STX3: variants seen among roughly 807,000 people sequenced by gnomAD.
STX3 encodes the protein syntaxin 3.
In STX3, 19 loss-of-function variants were observed where a neutral mutation model predicts 40.2. That is an observed-to-expected ratio of 0.47 (90% CI 0.33 to 0.69). STX3 has a LOEUF of 0.69. Among genes scored for constraint, STX3 ranks in the 30% least tolerant of loss-of-function variants. The pLI, the probability that STX3 is intolerant of heterozygous loss-of-function variation, is 0.02. For synonymous variants in STX3, 122 were observed against 132.2 expected (o/e 0.92, Z 0.53); for missense variants, 364 against 366.7 (o/e 0.99, Z 0.06).
At chr11:59,798,872 T>C (rs930118831) in intron 10 of STX3, among the ~76,000 whole-genome samples, 1 of 151,766 alleles carries the variant, frequency 6.6e-6, no homozygotes, top group African/African-American at 2.4e-5. Context: ...ATTAAGACTT[T>C]TGTGACTTTA....
At chr11:59,771,406 C>CACCCT (rs1209005303) in intron 1 of STX3, among the ~76,000 whole-genome samples, 1 of 130,278 alleles carries the variant, frequency 7.7e-6, no homozygotes, top group African/African-American at 3.3e-5. Flanking sequence ...CCCCACCTCC[C>CACCCT]CCCCCCCGCC....
At chr11:59,770,184 TG>T (rs1863522572) in intron 1 of STX3, among the ~76,000 whole-genome samples, 1 of 149,616 alleles carries the variant, frequency 6.7e-6, no homozygotes, top group Admixed American at 6.7e-5. Flanking sequence ...GTGTGTGTGC[TG>T]TATGTGTATG....
intron 2 of STX3, among the ~76,000 whole-genome samples, chr11:59,785,275 T>C (rs1864677814): frequency 6.6e-6 from 1 of 152,250 alleles, no homozygotes; most frequent in East Asian, 1.9e-4. Flanking sequence ...GCAAAAGTAC[T>C]GATTTGAGGG....
chr11:59,774,970 A>G (rs760126518), intron 2 of STX3, among the ~76,000 whole-genome samples: 3 of 152,240 alleles, frequency 2.0e-5, no homozygotes, highest in Non-Finnish European at 4.4e-5. Context: ...CTGCCACCAT[A>G]CTATGGTTTC....
In STX3 at chr11:59,793,180, C is replaced by T; in HGVS notation, c.540+8C>T. On this transcript the variant is annotated splice_region_variant and intron_variant, in intron 7 of 10. Coordinates refer to ENST00000337979, the MANE Select transcript of STX3 (RefSeq NM_004177.5). ...GCCATCTTCACTTCTGGGGTGAGTG[C>T]CCTGTGTGCTCGGATAGCACATCCC... is the stretch of plus-strand genomic sequence containing the variant. 6.2e-7 allele frequency: 1 copy of T among 1,612,692 alleles called. No homozygotes were observed. Among genetic ancestry groups the T allele is most frequent in the East Asian group, 2.2e-5 (1 of 44,860 alleles).
chr11:59,805,126 G>A lies in STX3; in HGVS notation c.*4302G>A, dbSNP rs1398447768. ...CAAGAGGCGGAAGTTGCAGTGAGCCGAGATCGCGCCACTGCACTCCAGCCT... is the reference window on the plus strand; with the variant it reads ...CAAGAGGCGGAAGTTGCAGTGAGCCAAGATCGCGCCACTGCACTCCAGCCT... On this transcript the variant is annotated 3_prime_UTR_variant, in exon 11 of 11. Coordinates refer to ENST00000337979, the MANE Select transcript of STX3 (RefSeq NM_004177.5). 1.3e-5 allele frequency: 2 copies of A among 149,326 alleles called. No individual in the cohort carries two copies. The highest frequency in any genetic ancestry group is 6.7e-5 in the Admixed American group (1 of 14,870). 9.3% of individuals were successfully genotyped at this position (149,326 alleles called of 1,614,324 possible).
chr11:59,779,447 C>T (rs866178554), intron 2 of STX3, among the ~76,000 whole-genome samples: 3 of 152,232 alleles, frequency 2.0e-5, no homozygotes, highest in South Asian at 2.1e-4. Context: ...GGTCCCATCT[C>T]CCTCTAAGTA....
intron 2 of STX3, among the ~76,000 whole-genome samples, chr11:59,778,597 G>A (rs944478803): frequency 6.6e-6 from 1 of 152,198 alleles, no homozygotes; most frequent in African/African-American, 2.4e-5. Flanking sequence ...AAAATGCGTT[G>A]TCACAGATGG....
Position 59,795,496 on chromosome 11 carries a change from G to C in STX3, c.786+14G>C, listed in dbSNP as rs1330914962. 1.9e-6 allele frequency: 3 copies of C among 1,604,044 alleles called. No individual in the cohort carries two copies. The highest frequency in any genetic ancestry group is 2.6e-6 in the Non-Finnish European group (3 of 1,175,010). ...CAGGCCCGGAAGGTGAGACTCTCCT[G>C]TGGCCTTCAGAGAAGAGAGTCCATT... On this transcript the variant is annotated intron_variant, in intron 9 of 10. Coordinates refer to ENST00000337979, the MANE Select transcript of STX3 (RefSeq NM_004177.5).
chr11:59,789,020 C>G (rs574747684), intron 4 of STX3, 73 bp downstream of exon 4: 2 of 1,330,924 alleles, frequency 1.5e-6, no homozygotes, highest in Non-Finnish European at 2.1e-6. Flanking sequence ...TCCAGCTTTC[C>G]GAACTGAAAC....
chr11:59,767,172 A>G (rs1035952772), intron 1 of STX3, among the ~76,000 whole-genome samples: 6 of 151,708 alleles, frequency 4.0e-5, no homozygotes, highest in African/African-American at 1.5e-4. Context: ...TCCTTTCTGG[A>G]TTTGGGGGCA....
intron 9 of STX3, among the ~76,000 whole-genome samples, chr11:59,796,481 G>A (rs911804728): frequency 6.6e-6 from 1 of 152,212 alleles, no homozygotes; most frequent in Non-Finnish European, 1.5e-5. Flanking sequence ...TATTGCTTAT[G>A]CAGGGATTTA....
rs1437290155 is a variant in STX3 at position 59,773,987 on chromosome 11, A to C, written c.114+693A>C. ...TTTGTCTCACACACACAAAAAAAAA[A>C]AAAAAAAAAAAAATTATAGTCCCTC... On this transcript the variant is annotated intron_variant, in intron 2 of 10. Transcript: ENST00000337979. 7.0e-3 allele frequency among the ~76,000 whole-genome samples: 1,051 copies of C among 151,010 alleles called. 8 individuals carry two copies. The highest frequency in any genetic ancestry group is 0.013 in the African/African-American group (544 of 40,646).
chr11:59,758,641 C>T (rs1300243516), intron 1 of STX3, among the ~76,000 whole-genome samples: 1 of 152,204 alleles, frequency 6.6e-6, no homozygotes, highest in African/African-American at 2.4e-5. Flanking sequence ...ACTGCTCTTC[C>T]TGGTGGGCTC....
chr11:59,787,396 G>A lies in STX3; in HGVS notation c.214+260G>A, dbSNP rs553143345. 3.3e-5 allele frequency among the ~76,000 whole-genome samples: 5 copies of A among 152,164 alleles called. No homozygotes were observed. In the South Asian group the frequency reaches 1.0e-3, roughly 32 times the overall value. ...CCCAGCTAGTCCCTCTTCCTGACTGGCGACGATTCCCACTGCTGCTTACAT... is the reference window on the plus strand; with the variant it reads ...CCCAGCTAGTCCCTCTTCCTGACTGACGACGATTCCCACTGCTGCTTACAT... On this transcript the variant is annotated intron_variant, in intron 3 of 10. Transcript: ENST00000337979.
chr11:59,757,064 G>A (rs1319642922), intron 1 of STX3, among the ~76,000 whole-genome samples: 1 of 152,198 alleles, frequency 6.6e-6, no homozygotes, highest in Non-Finnish European at 1.5e-5. Flanking sequence ...CCTCAGGCTT[G>A]TGCTTAGTCA....
chr11:59,765,320 C>T (rs1863228395), intron 1 of STX3, among the ~76,000 whole-genome samples: 1 of 152,172 alleles, frequency 6.6e-6, no homozygotes, highest in Non-Finnish European at 1.5e-5. Flanking sequence ...AGAACCTACA[C>T]TCAGAATTTC....
In STX3 at chr11:59,759,428, A is replaced by G. The variant is rs149870918; in HGVS notation, c.30+3793A>G. Reference sequence around the variant, plus strand: ...GTGCCTAGCATCCTGCTGGGCGTCAAGTTTAGGCAGGATTGACAAAGTCCT... The same window carrying G: ...GTGCCTAGCATCCTGCTGGGCGTCAGGTTTAGGCAGGATTGACAAAGTCCT... On this transcript the variant is annotated intron_variant, in intron 1 of 10. Transcript: ENST00000337979. Among the ~76,000 whole-genome samples the G allele has an allele frequency of 2.2e-3, 328 of 152,346 alleles. 3 individuals carry two copies. The highest frequency in any genetic ancestry group is 4.7e-3 in the African/African-American group (196 of 41,582).
chr11:59,795,087 G>A (rs568893917), intron 8 of STX3, among the ~76,000 whole-genome samples: 5 of 152,276 alleles, frequency 3.3e-5, no homozygotes, highest in African/African-American at 1.2e-4. Context: ...GGATATCTCA[G>A]AGTATATTTA....
Sources: allele counts gnomAD v4.1 joint callset (sites outside exome capture counted in the v4.1 genomes callset), GRCh38; gene constraint gnomAD v4.1.1; transcripts MANE v1.5; gene names NCBI Gene and HGNC (gene_info 2026-07-23, HGNC 2026-07-21).